CADM2: variants seen among roughly 807,000 people sequenced by gnomAD.
CADM2 encodes the protein immunoglobulin superfamily member 4D.
In CADM2, 12 loss-of-function variants were observed where a neutral mutation model predicts 49.8. The ratio of observed to expected loss-of-function variants is 0.24; its 90% CI spans 0.15 to 0.39. The LOEUF (loss-of-function observed/expected upper bound fraction) is 0.39. Among genes scored for constraint, CADM2 ranks in the 10% least tolerant of loss-of-function variants. The probability of loss-of-function intolerance (pLI) is 1.00; values close to 1 mark genes in which losing one functional copy is unlikely to be tolerated. For missense variants in CADM2, 378 were observed against 492.3 expected, an observed-to-expected ratio of 0.77 and a Z score of 2.20; for synonymous variants, 214 against 175.4, an observed-to-expected ratio of 1.22 and a Z score of -1.74.
chr3:85,498,968 C>T (rs1370184567), intron 1 of CADM2, among the ~76,000 whole-genome samples: 2 of 152,066 alleles, frequency 1.3e-5, no homozygotes, highest in Admixed American at 1.3e-4. Flanking sequence ...GTAATGTTTT[C>T]CATGTTAAAA....
At chr3:85,753,197 A>G (rs537720044) in intron 2 of CADM2, among the ~76,000 whole-genome samples, 2 of 152,240 alleles carry the variant, frequency 1.3e-5, no homozygotes, top group East Asian at 1.9e-4. Context: ...AAATACATTA[A>G]ATATATATTT....
intron 1 of CADM2, among the ~76,000 whole-genome samples, chr3:85,616,475 T>C (rs1360157047): frequency 6.6e-6 from 1 of 152,150 alleles, no homozygotes; most frequent in East Asian, 1.9e-4. Context: ...AATTTTACTT[T>C]GATGATTTAG....
chr3:85,558,918 C>T (rs547757718), intron 1 of CADM2, among the ~76,000 whole-genome samples: 42 of 152,044 alleles, frequency 2.8e-4, no homozygotes, highest in East Asian at 9.7e-4. Context: ...TTGCCAAAAA[C>T]GGATTTTCTT....
At chr3:85,731,784 A>C (rs1049834206) in intron 2 of CADM2, among the ~76,000 whole-genome samples, 1 of 152,072 alleles carries the variant, frequency 6.6e-6, no homozygotes, top group Non-Finnish European at 1.5e-5. Context: ...TTCAACCACA[A>C]GTGAAATAAA....
chr3:85,747,179 A>G (rs1369937085), intron 2 of CADM2, among the ~76,000 whole-genome samples: 1 of 152,098 alleles, frequency 6.6e-6, no homozygotes, highest in Non-Finnish European at 1.5e-5. Context: ...ACCAACACCA[A>G]GCAATTTCAT....
intron 8 of CADM2, among the ~76,000 whole-genome samples, chr3:86,051,352 A>T (rs556374303): frequency 1.3e-5 from 2 of 152,242 alleles, no homozygotes; most frequent in East Asian, 3.9e-4. Flanking sequence ...CATTGTCCAT[A>T]TCACTATCAG....
chr3:85,108,148 T>C (rs2038317609), intron 1 of CADM2, among the ~76,000 whole-genome samples: 1 of 152,148 alleles, frequency 6.6e-6, no homozygotes, highest in African/African-American at 2.4e-5. Flanking sequence ...TTATTTACAA[T>C]AGCCAATAGT....
At chr3:85,545,285 T>C (rs551016178) in intron 1 of CADM2, among the ~76,000 whole-genome samples, 50 of 152,330 alleles carry the variant, frequency 3.3e-4, no homozygotes, top group African/African-American at 1.2e-3. Context: ...AAAACAATTG[T>C]AATGACTATT....
chr3:85,256,872 C>T (rs2042898335), intron 1 of CADM2, among the ~76,000 whole-genome samples: 1 of 152,040 alleles, frequency 6.6e-6, no homozygotes, highest in Non-Finnish European at 1.5e-5. Context: ...TGCCATTTAA[C>T]TTCTTGGAGA....
At position 85,932,036 on chromosome 3, in the gene CADM2, G is replaced by A. The variant is rs186153733; in HGVS notation, c.701-3731G>A. ...AGAAGACAATTTTGTTTCGTTATCA[G>A]AGTAAGATTTAAAGGGTTAAAATTT... On this transcript the variant is annotated intron_variant, in intron 6 of 9. Transcript: ENST00000383699. Among the ~76,000 whole-genome samples, 3 of 151,604 alleles carry A rather than the reference G, an allele frequency of 2.0e-5. No homozygotes were observed. The Admixed American group carries it at 2.0e-4, about 10-fold the overall frequency.
At chr3:85,286,367 T>C (rs557445372) in intron 1 of CADM2, among the ~76,000 whole-genome samples, 24 of 152,262 alleles carry the variant, frequency 1.6e-4, no homozygotes, top group Non-Finnish European at 2.4e-4. Flanking sequence ...TTTGTCCAAA[T>C]CAAGAAATGC....
chr3:85,256,022 C>G (rs183591937), intron 1 of CADM2, among the ~76,000 whole-genome samples: 1 of 151,940 alleles, frequency 6.6e-6, no homozygotes, highest in Non-Finnish European at 1.5e-5. Flanking sequence ...AGAATCAATA[C>G]GCATCATCAT....
At chr3:85,903,221 A>C (rs1243237178) in intron 5 of CADM2, among the ~76,000 whole-genome samples, 2 of 151,962 alleles carry the variant, frequency 1.3e-5, no homozygotes, top group South Asian at 4.1e-4. Flanking sequence ...TGTTCTGATT[A>C]TTATTTTTTA....
chr3:85,400,982 C>G (rs1559821037), intron 1 of CADM2, among the ~76,000 whole-genome samples: 1 of 152,224 alleles, frequency 6.6e-6, no homozygotes, highest in Non-Finnish European at 1.5e-5. Flanking sequence ...CTCCCGGCTG[C>G]TGCCTCCAAC....
chr3:85,429,206 T>C (rs2036556726), intron 1 of CADM2, among the ~76,000 whole-genome samples: 1 of 152,088 alleles, frequency 6.6e-6, no homozygotes, highest in African/African-American at 2.4e-5. Flanking sequence ...TGTGTTCTAT[T>C]AGAAAGGTCT....
Position 85,031,471 on chromosome 3 carries a change from C to T in CADM2, c.61+71803C>T, listed in dbSNP as rs181592119. Among the ~76,000 whole-genome samples, 39 of 152,136 alleles carry T rather than the reference C, an allele frequency of 2.6e-4. No homozygotes were observed. The East Asian group carries it at 6.4e-3, about 25-fold the overall frequency. The stretch of plus-strand genomic sequence containing the variant: ...AACTGTGTTCTGTGTTCCCCTTACC[C>T]GAAGTGATTTTTCTATCTTCAGATA... On this transcript the variant is annotated intron_variant, in intron 1 of 9. Transcript: ENST00000383699.
Position 85,164,583 on chromosome 3 carries a change from A to G in CADM2, c.61+204915A>G, listed in dbSNP as rs1028167787. On this transcript the variant is annotated intron_variant, in intron 1 of 9. Coordinates refer to ENST00000383699, the MANE Select transcript of CADM2 (RefSeq NM_001167675.2). ...GGCAATGTTTCCTCCAATTCCTAAC[A>G]GAGAATGTGTTAGGCAGACATCTCC... Among the ~76,000 whole-genome samples, 4 of 152,064 alleles carry G rather than the reference A, an allele frequency of 2.6e-5. No individual in the cohort carries two copies. The East Asian group carries it at 7.7e-4, about 29-fold the overall frequency.
chr3:85,091,013 A>T (rs1028535045), intron 1 of CADM2, among the ~76,000 whole-genome samples: 9 of 152,180 alleles, frequency 5.9e-5, no homozygotes, highest in South Asian at 2.1e-4. Flanking sequence ...GAATATCACT[A>T]GCAGCCAGTT....
At chr3:85,903,008 A>G (rs1481000353) in intron 5 of CADM2, among the ~76,000 whole-genome samples, 1 of 152,056 alleles carries the variant, frequency 6.6e-6, no homozygotes, top group Non-Finnish European at 1.5e-5. Context: ...AAAACATATT[A>G]TATGTTTTTA....
Sources: allele counts gnomAD v4.1 joint callset (sites outside exome capture counted in the v4.1 genomes callset), GRCh38; gene constraint gnomAD v4.1.1; transcripts MANE v1.5; gene names NCBI Gene and HGNC (gene_info 2026-07-23, HGNC 2026-07-21).